Variants in TMEM68 observed in about 807,000 individuals in gnomAD.
The protein encoded by TMEM68 is DGAT1/2-independent enzyme synthesizing storage lipids.
A neutral mutation model predicts 36.9 loss-of-function variants in TMEM68; 25 were observed. The observed-to-expected ratio is 0.68, with a 90% CI of 0.49 to 0.95. The LOEUF (loss-of-function observed/expected upper bound fraction) is 0.95, where lower values mean the gene tolerates loss of function less well. Among genes scored for constraint, TMEM68 ranks in the 40% least tolerant of loss-of-function variants. The pLI is 0.00. For missense variants in TMEM68, 333 were observed against 392.0 expected, an observed-to-expected ratio of 0.85 and a Z score of 1.27; for synonymous variants, 131 against 124.4, an observed-to-expected ratio of 1.05 and a Z score of -0.35.
At chr8:55,752,614 G>T (rs552330442) in intron 4 of TMEM68, among the ~76,000 whole-genome samples, 28 of 151,394 alleles carry the variant, frequency 1.8e-4, no homozygotes, top group African/African-American at 6.5e-4. Flanking sequence ...GAAAATAATT[G>T]TCACCCCACA....
At chr8:55,768,315 ATT>A in intron 1 of TMEM68, among the ~76,000 whole-genome samples, 1 of 152,312 alleles carries the variant, frequency 6.6e-6, no homozygotes. Context: ...GAGAAAATGA[ATT>A]GGAAACAGCA....
chr8:55,765,518 G>C (rs1417228753), intron 1 of TMEM68, among the ~76,000 whole-genome samples: 1 of 152,152 alleles, frequency 6.6e-6, no homozygotes, highest in Non-Finnish European at 1.5e-5. Flanking sequence ...TGTGTAAAGA[G>C]CCTAGAATAC....
chr8:55,766,040 A>G (rs7388277), intron 1 of TMEM68, among the ~76,000 whole-genome samples: 129,481 of 152,160 alleles, frequency 0.85, 55,367 homozygotes, highest in East Asian at 0.99. Flanking sequence ...TAGTAAATAC[A>G]TGCTAGGTCA....
In TMEM68 at chr8:55,740,035, T is replaced by A; in HGVS notation, c.*97A>T. The A allele has an allele frequency of 1.2e-6, 1 of 848,112 alleles. No individual in the cohort carries two copies. Among genetic ancestry groups the A allele is most frequent in the South Asian group, 2.0e-5 (1 of 49,094 alleles). 52.5% of individuals were successfully genotyped at this position (848,112 alleles called of 1,614,324 possible). On this transcript the variant is annotated 3_prime_UTR_variant, in exon 8 of 8. Coordinates refer to ENST00000434581, the MANE Select transcript of TMEM68 (RefSeq NM_001286657.2). ...TTATTAACATGATTTTTTTAAAAAA[T>A]ACTAATTATAGGACCTACAAAATTC... is the stretch of plus-strand genomic sequence containing the variant.
intron 1 of TMEM68, among the ~76,000 whole-genome samples, chr8:55,772,337 G>A (rs1212005393): frequency 6.6e-6 from 1 of 152,126 alleles, no homozygotes; most frequent in African/African-American, 2.4e-5. Flanking sequence ...CACCAACCAC[G>A]TCCGAAGCGC....
At chr8:55,756,134 A>G in intron 4 of TMEM68, 110 bp downstream of exon 4, 1 of 876,946 alleles carries the variant, frequency 1.1e-6, no homozygotes, top group South Asian at 2.0e-5. Flanking sequence ...ACACCCTAAA[A>G]GGCAAAAAGC....
chr8:55,740,580 C>T (rs2129891903), intron 7 of TMEM68, among the ~76,000 whole-genome samples: 1 of 152,280 alleles, frequency 6.6e-6, no homozygotes, highest in Non-Finnish European at 1.5e-5. Context: ...ATTTCTCCAG[C>T]ATTAAGCACA....
intron 5 of TMEM68, chr8:55,747,038 T>C (rs1222743392): frequency 2.6e-5 from 4 of 152,030 alleles, no homozygotes; most frequent in African/African-American, 9.7e-5. Flanking sequence ...CAAAATCAGT[T>C]AGGAAAAGGG....
At chr8:55,770,325 C>T (rs1001704860) in intron 1 of TMEM68, among the ~76,000 whole-genome samples, 31 of 152,292 alleles carry the variant, frequency 2.0e-4, no homozygotes, top group African/African-American at 7.2e-4. Flanking sequence ...GGCCCTTCCC[C>T]TTCCCCCTGA....
At chr8:55,763,891 T>C (rs1442421033) in intron 2 of TMEM68, 45 bp downstream of exon 2, 1 of 152,232 alleles carries the variant, frequency 6.6e-6, no homozygotes, top group African/African-American at 2.4e-5. Context: ...TATAGCTGTA[T>C]AATTATTTTA....
At chr8:55,762,288 G>T (rs950369809) in intron 3 of TMEM68, 21 of 284,754 alleles carry the variant, frequency 7.4e-5, no homozygotes, top group South Asian at 1.6e-4. Flanking sequence ...AACTTATTTT[G>T]AACAGAAGTA....
At chr8:55,741,866 G>C (rs1024541455) in intron 7 of TMEM68, among the ~76,000 whole-genome samples, 2 of 151,908 alleles carry the variant, frequency 1.3e-5, no homozygotes, top group Non-Finnish European at 2.9e-5. Context: ...CATAGACTTT[G>C]AGTATATAAA....
In TMEM68 at chr8:55,754,466, TACACACACACACACAC is replaced by T. The variant is rs71256558; in HGVS notation, c.493+1762_493+1777del. Among the ~76,000 whole-genome samples, 6 of 118,946 alleles carry T rather than the reference TACACACACACACACAC, an allele frequency of 5.0e-5. No homozygotes were observed. The East Asian group carries it at 1.4e-3, about 27-fold the overall frequency. 78.0% of individuals were successfully genotyped at this position (118,946 alleles called of 152,430 possible). A position where few individuals can be genotyped will look rare whatever the true frequency, so the allele number is the denominator to read the frequency against. ...TCGAATATATATATATATATATATA[TACACACACACACACAC>T]ACACACACACATACATACACACACA... On this transcript the variant is annotated intron_variant, in intron 4 of 7. Coordinates refer to ENST00000434581, the MANE Select transcript of TMEM68 (RefSeq NM_001286657.2).
At chr8:55,748,306 T>A (rs1424177284) in intron 5 of TMEM68, among the ~76,000 whole-genome samples, 3 of 152,178 alleles carry the variant, frequency 2.0e-5, no homozygotes, top group Non-Finnish European at 4.4e-5. Context: ...TAGCTGGGAT[T>A]ACAGGCATGT....
chr8:55,762,935 C>T lies in TMEM68; in HGVS notation c.25G>A (p.Gly9Ser), dbSNP rs777024433. The T allele has an allele frequency of 6.7e-5, 107 of 1,589,050 alleles. 2 individuals are homozygous for T. In the South Asian group the frequency reaches 1.2e-3, roughly 18 times the overall value. The change falls in exon 3 of 8, where the codon GGT becomes AGT. Residue 9 changes from glycine (G) to serine (S), a missense_variant. Physicochemically the swap from Gly to Ser is moderately conservative, Grantham distance 56. Transcript: ENST00000434581. ...TAGGGCACAGAATCCTGTCCTACAC[C>T]ACAGGTTTGATTTTTGTCTATCATT... MIDKNQTC[G>S]VGQDSVPYMI...
chr8:55,743,675 C>G, intron 6 of TMEM68, 55 bp from the exon 7 acceptor site: 2 of 1,455,000 alleles, frequency 1.4e-6, no homozygotes, highest in South Asian at 2.7e-5. Context: ...GACCATGTAA[C>G]TGTAAACTTT....
intron 1 of TMEM68, among the ~76,000 whole-genome samples, chr8:55,771,481 T>G (rs1563443000): frequency 6.6e-6 from 1 of 151,294 alleles, no homozygotes; most frequent in Non-Finnish European, 1.5e-5. Context: ...TAGGCAGGCA[T>G]GGTGGCATGC....
At chr8:55,763,108 G>C in intron 2 of TMEM68, 80 bp from the exon 3 acceptor site, 1 of 795,342 alleles carries the variant, frequency 1.3e-6, no homozygotes, top group South Asian at 2.5e-5. Flanking sequence ...ATAGCATATA[G>C]AGTCATTTCT....
chr8:55,743,397 T>C, intron 7 of TMEM68, 84 bp downstream of exon 7: 1 of 1,442,758 alleles, frequency 6.9e-7, no homozygotes, highest in Non-Finnish European at 9.1e-7. Context: ...GCTTGTAGAA[T>C]ATAAAAATAA....
Sources: gnomAD v4.1 joint callset for allele counts (sites outside exome capture counted in the v4.1 genomes callset) on GRCh38, gnomAD v4.1.1 for gene constraint, MANE v1.5 for transcripts, NCBI Gene and HGNC (gene_info 2026-07-23, HGNC 2026-07-21) for gene names.